SLC35F4: variants seen among roughly 807,000 people sequenced by gnomAD.
SLC35F4 encodes solute carrier family 35 member F4.
Under a neutral mutation model 44.2 loss-of-function variants are expected in SLC35F4, and 24 were observed. The ratio of observed to expected loss-of-function variants is 0.54; its 90% CI spans 0.39 to 0.76. SLC35F4 has a LOEUF of 0.76. SLC35F4 is among the 30% of genes least tolerant of loss of function. The pLI is 0.00. For missense variants in SLC35F4, 562 were observed against 586.1 expected (o/e 0.96, Z 0.42); for synonymous variants, 238 against 223.6 (o/e 1.06, Z -0.57).
chr14:57,670,629 T>A (rs1771164202), intron 1 of SLC35F4, among the ~76,000 whole-genome samples: 2 of 152,026 alleles, frequency 1.3e-5, no homozygotes, highest in Admixed American at 6.5e-5. Context: ...AGTTTCCATG[T>A]AGTTGAGCGG....
intron 4 of SLC35F4, among the ~76,000 whole-genome samples, chr14:57,580,160 TA>T (rs1235960819): frequency 6.6e-6 from 1 of 152,226 alleles, no homozygotes; most frequent in Admixed American, 6.5e-5. Flanking sequence ...GCTTCATTTC[TA>T]AATTTCAGAG....
chr14:57,895,275 TC>T (rs1846505369), intron 1 of SLC35F4, among the ~76,000 whole-genome samples: 1 of 152,112 alleles, frequency 6.6e-6, no homozygotes, highest in Admixed American at 6.6e-5. Flanking sequence ...TCCCAGAAAC[TC>T]CATGTATTAT....
At chr14:57,830,275 C>T (rs551490214) in intron 1 of SLC35F4, among the ~76,000 whole-genome samples, 8 of 152,096 alleles carry the variant, frequency 5.3e-5, no homozygotes, top group Admixed American at 6.6e-5. Flanking sequence ...TCCTTGGTTT[C>T]GTGATCTGTA....
At chr14:57,825,098 C>T (rs1412048786) in intron 1 of SLC35F4, among the ~76,000 whole-genome samples, 1 of 151,946 alleles carries the variant, frequency 6.6e-6, no homozygotes, top group African/African-American at 2.4e-5. Context: ...AGAACTTAAG[C>T]TTGTGGAGGA....
At chr14:57,855,369 G>A (rs1418468405) in intron 1 of SLC35F4, among the ~76,000 whole-genome samples, 1 of 152,002 alleles carries the variant, frequency 6.6e-6, no homozygotes. Context: ...CCATCAAAAA[G>A]TGGGCAAAGA....
At chr14:57,768,786 T>G (rs1196318032) in intron 1 of SLC35F4, among the ~76,000 whole-genome samples, 1 of 152,078 alleles carries the variant, frequency 6.6e-6, no homozygotes, top group Admixed American at 6.5e-5. Context: ...GAAGTCTTGC[T>G]CGGTCGCCCA....
chr14:57,615,718 A>T (rs1379459113), intron 1 of SLC35F4, among the ~76,000 whole-genome samples: 2 of 152,194 alleles, frequency 1.3e-5, no homozygotes, highest in Non-Finnish European at 2.9e-5. Flanking sequence ...AATTAAACTT[A>T]TGTACTGGCT....
intron 1 of SLC35F4, among the ~76,000 whole-genome samples, chr14:57,890,231 C>G (rs1888732428): frequency 6.6e-6 from 1 of 152,150 alleles, no homozygotes. Flanking sequence ...TAGATATGGA[C>G]CCACTCACAT....
intron 1 of SLC35F4, among the ~76,000 whole-genome samples, chr14:57,955,545 C>G (rs1890220763): frequency 6.6e-6 from 1 of 152,174 alleles, no homozygotes; most frequent in South Asian, 2.1e-4. Flanking sequence ...AAAACCCCAT[C>G]AACTCAGCCG....
intron 1 of SLC35F4, among the ~76,000 whole-genome samples, chr14:57,633,035 A>C (rs1314556221): frequency 6.6e-6 from 1 of 152,110 alleles, no homozygotes; most frequent in Non-Finnish European, 1.5e-5. Flanking sequence ...ATGTGCATTT[A>C]AGTTTCCTCT....
chr14:57,795,991 C>A (rs2078045733), intron 1 of SLC35F4, among the ~76,000 whole-genome samples: 1 of 152,098 alleles, frequency 6.6e-6, no homozygotes, highest in Non-Finnish European at 1.5e-5. Context: ...CACTTGTTTC[C>A]TTGTGTCCAT....
chr14:57,581,374 G>A lies in SLC35F4; in HGVS notation c.647C>T (p.Thr216Ile), dbSNP rs2069242802. The A allele has an allele frequency of 6.2e-7, 1 of 1,613,182 alleles. No homozygotes were observed. Among genetic ancestry groups the A allele is most frequent in the Admixed American group, 1.7e-5 (1 of 59,902 alleles). The change falls in exon 4 of 8, where the codon ACT (threonine) becomes ATT (isoleucine). Residue 216 changes from threonine to isoleucine, a missense_variant. Thr to Ile is a moderately conservative substitution (Grantham distance 89). Transcript: ENST00000556826. ...AGTCCATAGAATAGAAAAGGGAGCA[G>A]TTCTTTTAAGAAAGAGTTTCAGCGT... ...GLTLKLFLKR[T>I]APFSILWTLT...
Position 57,916,643 on chromosome 14 carries a change from A to G in SLC35F4, n.282+65270T>C, listed in dbSNP as rs981826085. 2.6e-5 allele frequency among the ~76,000 whole-genome samples: 4 copies of G among 152,120 alleles called. No individual in the cohort carries two copies. In the East Asian group the frequency reaches 7.7e-4, roughly 29 times the overall value. ...GTTACAACTTTTGTAGTTGTCCCAT[A>G]GTCCTTAGATATTCTGTTTTGTATT... On this transcript the variant is annotated intron_variant and non_coding_transcript_variant, in intron 1 of 1. Coordinates refer to the SLC35F4 transcript ENST00000556568.
intron 1 of SLC35F4, among the ~76,000 whole-genome samples, chr14:57,663,211 G>T (rs186010317): frequency 1.3e-5 from 2 of 152,160 alleles, no homozygotes; most frequent in East Asian, 3.9e-4. Context: ...CCGTATAGAT[G>T]TAGAATATAT....
intron 1 of SLC35F4, among the ~76,000 whole-genome samples, chr14:57,674,511 G>C (rs1445276430): frequency 6.6e-6 from 1 of 152,152 alleles, no homozygotes; most frequent in African/African-American, 2.4e-5. Context: ...TGGTACAATG[G>C]AACATTGCTC....
intron 1 of SLC35F4, among the ~76,000 whole-genome samples, chr14:57,925,523 G>GAGGGGGGAAGGAAGGAAGGAAGGA (rs1889547523): frequency 1.0e-5 from 1 of 100,318 alleles, no homozygotes; most frequent in African/African-American, 3.5e-5. Context: ...GGGAGGGAGG[G>GAGGGGGGAAGGAAGGAAGGAAGGA]AGGGAGGGAG....
At chr14:57,930,169 G>GA (rs1889668731) in intron 1 of SLC35F4, among the ~76,000 whole-genome samples, 2 of 152,300 alleles carry the variant, frequency 1.3e-5, no homozygotes, top group South Asian at 4.2e-4. Flanking sequence ...GGAGCCACAA[G>GA]AAAGTGTCAC....
chr14:57,886,160 G>A (rs1888639442), intron 1 of SLC35F4, among the ~76,000 whole-genome samples: 1 of 152,154 alleles, frequency 6.6e-6, no homozygotes, highest in Admixed American at 6.5e-5. Flanking sequence ...TGAGGTATTA[G>A]GTGCTTGTAT....
intron 1 of SLC35F4, among the ~76,000 whole-genome samples, chr14:57,949,646 T>A (rs1385343420): frequency 6.6e-6 from 1 of 152,188 alleles, no homozygotes; most frequent in Non-Finnish European, 1.5e-5. Flanking sequence ...TTTAAGAAGG[T>A]TCTATTTTGG....
Sources: gnomAD v4.1 joint callset for allele counts (sites outside exome capture counted in the v4.1 genomes callset) on GRCh38, gnomAD v4.1.1 for gene constraint, MANE v1.5 for transcripts, NCBI Gene and HGNC (gene_info 2026-07-23, HGNC 2026-07-21) for gene names.